The following TBCD variants were observed in gnomAD, a reference collection of about 807,000 sequenced individuals.
TBCD encodes tubulin-specific chaperone D.
In TBCD, 105 loss-of-function variants were observed where a neutral mutation model predicts 169.3. That is an observed-to-expected ratio of 0.62 (90% CI 0.53 to 0.73). The LOEUF (loss-of-function observed/expected upper bound fraction) is 0.73. Ranked by LOEUF, TBCD falls within the 30% of genes least tolerant of loss-of-function variation. The pLI is 0.00. For synonymous variants in TBCD, 700 were observed against 643.9 expected, an observed-to-expected ratio of 1.09 and a Z score of -1.32; for missense variants, 1,444 against 1,600.1, an observed-to-expected ratio of 0.90 and a Z score of 1.66.
In TBCD at chr17:82,867,426, C is replaced by T. The variant is rs913106737; in HGVS notation, c.1319-2798C>T. 3.3e-5 allele frequency among the ~76,000 whole-genome samples: 5 copies of T among 152,344 alleles called. No homozygotes were observed. In the East Asian group the frequency reaches 9.6e-4, roughly 29 times the overall value. ...CCTGGGGCTGCCTGGAGTGGTGTTG[C>T]AGTGACTGTCCCTGGGGATCTGGCC... On this transcript the variant is annotated intron_variant, in intron 13 of 38. Coordinates refer to ENST00000355528, the MANE Select transcript of TBCD (RefSeq NM_005993.5).
intron 11 of TBCD, among the ~76,000 whole-genome samples, chr17:82,808,383 TG>T (rs2051144859): frequency 1.2e-5 from 1 of 84,248 alleles, no homozygotes. Flanking sequence ...ATGCTGGGGT[TG>T]GGGGAGGCCC....
In TBCD at chr17:82,890,506, C is replaced by G. The variant is rs898426394; in HGVS notation, c.1563+809C>G. ...GGAGCCCTCCAGGCAAGGTGTCTGA[C>G]CTGGAGTGGAAGCATTGAGGCCAAA... On this transcript the variant is annotated intron_variant, in intron 16 of 38. Transcript: ENST00000355528. The surrounding 1 kb of genome is among the most constrained non-coding windows in gnomAD (Gnocchi z 5.3). Among the ~76,000 whole-genome samples the G allele has an allele frequency of 3.3e-5, 5 of 152,138 alleles. No homozygotes were observed. The highest frequency in any genetic ancestry group is 5.9e-5 in the Non-Finnish European group (4 of 68,034).
In TBCD at chr17:82,884,021, C is replaced by A. The variant is rs1219460553; in HGVS notation, c.1476-124C>A. The A allele has an allele frequency of 1.1e-6, 1 of 876,426 alleles. No individual in the cohort carries two copies. Among genetic ancestry groups the A allele is most frequent in the Non-Finnish European group, 1.8e-6 (1 of 552,416 alleles). 54.3% of individuals were successfully genotyped at this position (876,426 alleles called of 1,614,324 possible). ...CTGGGTGCCTCAAGCTGTGTGTTGC[C>A]TGTGGGGCATGTCTGAACCTCAAGT... On this transcript the variant is annotated intron_variant, in intron 14 of 38. Transcript: ENST00000355528. This position sits in a 1 kb window ranked among gnomAD's most constrained non-coding sequence, Gnocchi z 4.2.
At chr17:82,913,262 A>T (rs1263499700) in intron 23 of TBCD, 1 of 152,256 alleles carries the variant, frequency 6.6e-6, no homozygotes, top group Non-Finnish European at 1.5e-5. Flanking sequence ...CGTGCCCTGG[A>T]GATGGCAGTT....
chr17:82,754,808 A>C (rs2047315758), intron 1 of TBCD, among the ~76,000 whole-genome samples: 1 of 152,156 alleles, frequency 6.6e-6, no homozygotes, highest in Non-Finnish European at 1.5e-5. Context: ...GATTGGACAG[A>C]AGCAGTTTCA....
rs1461141073 is a variant in TBCD, at chr17:82,922,520, CTTA to C, written c.2178+946_2178+948del. Among the ~76,000 whole-genome samples, 2 of 152,024 alleles carry C rather than the reference CTTA, an allele frequency of 1.3e-5. No homozygotes were observed. The highest frequency in any genetic ancestry group is 2.9e-5 in the Non-Finnish European group (2 of 67,984). Reference sequence around the variant, plus strand: ...CTTTTTCCTTAGCATCTTCAATTTTCTTATTTTTTTTTTCTTAAGGAACTTGAA... The same window carrying C: ...CTTTTTCCTTAGCATCTTCAATTTTCTTTTTTTTTTCTTAAGGAACTTGAA... On this transcript the variant is annotated intron_variant, in intron 25 of 38. Transcript: ENST00000355528. This position sits in a 1 kb window ranked among gnomAD's most constrained non-coding sequence, Gnocchi z 4.1.
At chr17:82,926,294 ATCTCATGGTGTGGGG>A in intron 27 of TBCD, 91 bp from the exon 28 acceptor site, 1 of 1,045,146 alleles carries the variant, frequency 9.6e-7, no homozygotes, top group Non-Finnish European at 1.4e-6. Context: ...GGAGCTGCCT[ATCTCATGGTGTGGGG>A]TCTGTGGCTC....
rs1013106809 is a variant in TBCD at position 82,929,007 on chromosome 17, C to T, written c.2694-106C>T. On this transcript the variant is annotated intron_variant, in intron 30 of 38. Transcript: ENST00000355528. ...ATGTCCCGAGGAGCCCGCATGTCCT[C>T]GTGGTGCTTGGGCTGGAGTCACGGC... The T allele has an allele frequency of 5.4e-5, 77 of 1,426,880 alleles. No homozygotes were observed. In the East Asian group the frequency reaches 1.2e-3, roughly 21 times the overall value. The allele number at this position is 1,426,880 out of a possible 1,614,324, so 88.4% of individuals were successfully genotyped here. A position where few individuals can be genotyped will look rare whatever the true frequency, so the allele number is the denominator to read the frequency against.
intron 14 of TBCD, among the ~76,000 whole-genome samples, chr17:82,879,228 G>A (rs7222256): frequency 0.25 from 38,366 of 151,322 alleles, 4,872 homozygotes; most frequent in Middle Eastern, 0.33. Flanking sequence ...CCAGGACGCC[G>A]GGCTTGGCCT....
At chr17:82,836,967 G>A (rs1567862877) in intron 13 of TBCD, among the ~76,000 whole-genome samples, 1 of 152,172 alleles carries the variant, frequency 6.6e-6, no homozygotes, top group East Asian at 1.9e-4. Flanking sequence ...TCAATTGCTC[G>A]AAGGGAATTG....
At chr17:82,797,726 TA>T in intron 7 of TBCD, 30 bp from the exon 8 acceptor site, 1 of 1,459,014 alleles carries the variant, frequency 6.9e-7, no homozygotes, top group Non-Finnish European at 9.2e-7. Flanking sequence ...TTTGTATTTG[TA>T]ACATTAAAAA....
intron 7 of TBCD, among the ~76,000 whole-genome samples, chr17:82,796,457 A>G (rs1465204267): frequency 6.6e-6 from 1 of 152,228 alleles, no homozygotes; most frequent in Non-Finnish European, 1.5e-5. Flanking sequence ...ACGTGTTACT[A>G]TCCATTTCGC....
intron 13 of TBCD, among the ~76,000 whole-genome samples, chr17:82,840,821 A>T (rs1039457054): frequency 6.6e-6 from 1 of 152,058 alleles, no homozygotes; most frequent in Non-Finnish European, 1.5e-5. Flanking sequence ...GAAGGCTGGC[A>T]TGTGGTGTCG....
Position 82,920,218 on chromosome 17 carries a change from T to C in TBCD, c.2039-338T>C, listed in dbSNP as rs1480625145. 1.3e-5 allele frequency among the ~76,000 whole-genome samples: 2 copies of C among 152,206 alleles called. No homozygotes were observed. Among genetic ancestry groups the C allele is most frequent in the African/African-American group, 2.4e-5 (1 of 41,454 alleles). ...TGACAGGTCTAGGAGCAGAAGCCGCTATGCTTCCCGTACAGCCTGTCACAG... is the reference window on the plus strand; with the variant it reads ...TGACAGGTCTAGGAGCAGAAGCCGCCATGCTTCCCGTACAGCCTGTCACAG... On this transcript the variant is annotated intron_variant, in intron 23 of 38. Transcript: ENST00000355528. This position sits in a 1 kb window ranked among gnomAD's most constrained non-coding sequence, Gnocchi z 4.1.
chr17:82,887,477 T>C (rs2058837759), intron 15 of TBCD, among the ~76,000 whole-genome samples: 1 of 152,172 alleles, frequency 6.6e-6, no homozygotes, highest in African/African-American at 2.4e-5. Flanking sequence ...TGGTGGGTGG[T>C]GCTGGTTTGC....
rs771763932 is a variant in TBCD at position 82,764,071 on chromosome 17, T to A, written c.333+9T>A. The A allele has an allele frequency of 4.4e-6, 7 of 1,602,210 alleles. 1 individual carries two copies. In the South Asian group the frequency reaches 7.7e-5, roughly 18 times the overall value. ...TTTACATCATCACCAAGGTAACATT[T>A]CCATAGCACTTCAGAGTTGACAGAT... On this transcript the variant is annotated intron_variant, in intron 3 of 38. Transcript: ENST00000355528.
intron 13 of TBCD, among the ~76,000 whole-genome samples, chr17:82,834,845 C>G (rs572941359): frequency 6.6e-6 from 1 of 152,038 alleles, no homozygotes; most frequent in Non-Finnish European, 1.5e-5. Flanking sequence ...GTAACCTACA[C>G]GTTCTGCACT....
At chr17:82,760,678 A>G (rs971188389) in intron 2 of TBCD, among the ~76,000 whole-genome samples, 4 of 152,220 alleles carry the variant, frequency 2.6e-5, no homozygotes, top group Non-Finnish European at 5.9e-5. Flanking sequence ...TCTTCTAAAT[A>G]TACATTTTAG....
intron 14 of TBCD, among the ~76,000 whole-genome samples, chr17:82,877,958 C>G (rs1205104470): frequency 2.0e-5 from 3 of 152,358 alleles, no homozygotes; most frequent in Admixed American, 6.5e-5. Context: ...TTCCCAGATA[C>G]TAATCCTGGG....
Sources: allele counts gnomAD v4.1 joint callset (sites outside exome capture counted in the v4.1 genomes callset), GRCh38; gene constraint gnomAD v4.1.1; non-coding constraint Gnocchi (gnomAD v3.1); transcripts MANE v1.5; gene names NCBI Gene and HGNC (gene_info 2026-07-23, HGNC 2026-07-21).